The following AK9 variants were observed in gnomAD, a reference collection of about 807,000 sequenced individuals.
The protein encoded by AK9 is adenylate kinase 9.
A neutral mutation model predicts 239.6 loss-of-function variants in AK9; 191 were observed. The ratio of observed to expected loss-of-function variants is 0.80; its 90% CI spans 0.71 to 0.90. The LOEUF is 0.90. Ranked by LOEUF, AK9 falls within the 40% of genes least tolerant of loss-of-function variation. AK9 has a pLI of 0.00. For synonymous variants in AK9, 689 were observed against 721.0 expected, an observed-to-expected ratio of 0.96 and a Z score of 0.71; for missense variants, 1,995 against 2,214.7, an observed-to-expected ratio of 0.90 and a Z score of 1.99.
chr6:109,589,857 T>C (rs1789991894), intron 17 of AK9, among the ~76,000 whole-genome samples: 1 of 152,228 alleles, frequency 6.6e-6, no homozygotes, highest in Admixed American at 6.5e-5. Flanking sequence ...GTTTATGTGG[T>C]GAATCACATT....
intron 18 of AK9, among the ~76,000 whole-genome samples, chr6:109,585,466 T>C (rs916555328): frequency 1.3e-5 from 2 of 151,876 alleles, no homozygotes; most frequent in Non-Finnish European, 2.9e-5. Flanking sequence ...TGAAAAGAGG[T>C]AGTATATTAT....
intron 6 of AK9, among the ~76,000 whole-genome samples, chr6:109,662,120 CAG>C (rs751364981): frequency 3.3e-5 from 5 of 152,130 alleles, no homozygotes; most frequent in Admixed American, 2.6e-4. Context: ...TCAAGTAAGA[CAG>C]AGTCTAGGAG....
intron 35 of AK9, among the ~76,000 whole-genome samples, chr6:109,500,729 C>A (rs1466271103): frequency 6.6e-6 from 1 of 152,100 alleles, no homozygotes; most frequent in Non-Finnish European, 1.5e-5. Context: ...GGAAACGCAT[C>A]ACACTCAGCC....
intron 17 of AK9, among the ~76,000 whole-genome samples, chr6:109,587,205 A>G (rs1789617783): frequency 1.3e-5 from 2 of 152,250 alleles, no homozygotes; most frequent in African/African-American, 4.8e-5. Flanking sequence ...AAAGAAAGCT[A>G]TGAAGAAGAC....
At chr6:109,621,839 A>G (rs1178169480) in intron 12 of AK9, among the ~76,000 whole-genome samples, 1 of 140,038 alleles carries the variant, frequency 7.1e-6, no homozygotes, top group Admixed American at 7.3e-5. Context: ...ACATGTATAC[A>G]TATGTAACTA....
At chr6:109,510,382 C>G (rs1005392020) in intron 32 of AK9, among the ~76,000 whole-genome samples, 3 of 152,010 alleles carry the variant, frequency 2.0e-5, no homozygotes, top group African/African-American at 7.2e-5. Flanking sequence ...GACAGGACGA[C>G]CAACTGCAGA....
At chr6:109,548,991 G>C (rs1189227650) in intron 25 of AK9, among the ~76,000 whole-genome samples, 1 of 152,146 alleles carries the variant, frequency 6.6e-6, no homozygotes, top group Non-Finnish European at 1.5e-5. Context: ...CATTTTCCTT[G>C]TTAAGCTTCT....
At chr6:109,616,601 T>C (rs1276413384) in intron 13 of AK9, among the ~76,000 whole-genome samples, 3 of 152,006 alleles carry the variant, frequency 2.0e-5, no homozygotes, top group Non-Finnish European at 4.4e-5. Context: ...GATCTTGAAC[T>C]CTTAGCCTCA....
At chr6:109,610,567 A>G in intron 16 of AK9, 54 bp from the exon 17 acceptor site, 1 of 1,474,974 alleles carries the variant, frequency 6.8e-7, no homozygotes, top group Non-Finnish European at 9.2e-7. Context: ...AGTGGACAAT[A>G]CTACTTGCAA....
chr6:109,633,269 A>C lies in AK9; in HGVS notation c.988T>G (p.Trp330Gly), dbSNP rs774066982. 5 of 1,609,664 alleles carry C rather than the reference A, an allele frequency of 3.1e-6. No individual in the cohort carries two copies. Among genetic ancestry groups the C allele is most frequent in the Non-Finnish European group, 3.4e-6 (4 of 1,179,272 alleles). ...GTACGTCCCCATTTACTTCTTTGCC[A>C]TCTGTATCTTGGTGCAATAAGTTTA... The part of the protein sequence containing the change: ...SYKLIAPRYR[W>G]QRSKWGRTCP... Residue 330 changes from tryptophan to glycine, a missense_variant, in exon 11 of 41, where the codon TGG (tryptophan) becomes GGG (glycine). This residue lies in a region of AK9 where 1,290 missense variants were observed against 1,392.7 expected (regional missense o/e 0.93). Transcript: ENST00000424296.
At chr6:109,533,594 C>T in intron 27 of AK9, 124 bp from the exon 28 acceptor site, 1 of 636,092 alleles carries the variant, frequency 1.6e-6, no homozygotes, top group East Asian at 3.3e-5. Context: ...TGAATATATA[C>T]ATTCTTTACT....
At chr6:109,614,088 T>G (rs2128241798) in intron 15 of AK9, 95 bp downstream of exon 15, 1 of 1,245,762 alleles carries the variant, frequency 8.0e-7, no homozygotes, top group South Asian at 1.4e-5. Flanking sequence ...TTTCCAATTT[T>G]GGGGGTAATT....
intron 28 of AK9, among the ~76,000 whole-genome samples, chr6:109,530,294 T>TAC (rs1562359949): frequency 6.6e-6 from 1 of 152,150 alleles, no homozygotes; most frequent in East Asian, 1.9e-4. Context: ...TGCTATTGAG[T>TAC]ACACATTCCT....
chr6:109,671,710 G>T (rs1770919796), intron 5 of AK9, among the ~76,000 whole-genome samples: 1 of 149,550 alleles, frequency 6.7e-6, no homozygotes, highest in Non-Finnish European at 1.5e-5. Context: ...AGAAGATTGG[G>T]TCATATAAAC....
At position 109,688,559 on chromosome 6, in the gene AK9, G is replaced by A. The variant is rs967874702; in HGVS notation, c.-12+2588C>T. Among the ~76,000 whole-genome samples, 7 of 152,196 alleles carry A rather than the reference G, an allele frequency of 4.6e-5. No individual in the cohort carries two copies. The East Asian group carries it at 9.6e-4, about 21-fold the overall frequency. On this transcript the variant is annotated intron_variant, in intron 1 of 40. Coordinates refer to ENST00000424296, the MANE Select transcript of AK9 (RefSeq NM_001145128.3). ...CTAAGGCGCTAGCTTGGGATTGTGT[G>A]GGATTGAGACAATGTACTTCAAGAT...
In AK9 at chr6:109,521,597, A is replaced by G. The variant is rs17070682; in HGVS notation, c.3634-4955T>C. Among the ~76,000 whole-genome samples, 452 of 152,180 alleles carry G rather than the reference A, an allele frequency of 3.0e-3. 21 individuals are homozygous for G. In the East Asian group the frequency reaches 0.078, roughly 26 times the overall value. On this transcript the variant is annotated intron_variant, in intron 29 of 40. Transcript: ENST00000424296. ...GGTGCTTCATGTAGAAATTGATTCTAAAAATTAAAAGTAAGCAAACAGCAT... is the reference window on the plus strand; with the variant it reads ...GGTGCTTCATGTAGAAATTGATTCTGAAAATTAAAAGTAAGCAAACAGCAT...
chr6:109,626,107 C>T (rs1350865417), intron 12 of AK9, among the ~76,000 whole-genome samples: 2 of 152,246 alleles, frequency 1.3e-5, no homozygotes, highest in Non-Finnish European at 1.5e-5. Flanking sequence ...TTCCAATCTG[C>T]AGTCAAGCTA....
At chr6:109,669,105 C>G (rs1254826546) in intron 5 of AK9, among the ~76,000 whole-genome samples, 1 of 150,960 alleles carries the variant, frequency 6.6e-6, no homozygotes, top group African/African-American at 2.4e-5. Flanking sequence ...TTGAAGAGGT[C>G]CTTCACATCC....
chr6:109,515,005 G>A (rs548686557), intron 31 of AK9, among the ~76,000 whole-genome samples: 1 of 152,272 alleles, frequency 6.6e-6, no homozygotes, highest in African/African-American at 2.4e-5. Context: ...AAAAGGCCAC[G>A]TGGGGACACA....
Sources: gnomAD v4.1 joint callset for allele counts (sites outside exome capture counted in the v4.1 genomes callset) on GRCh38, gnomAD v4.1.1 for gene constraint, gnomAD v4.1.1 regional missense constraint, MANE v1.5 for transcripts, NCBI Gene and HGNC (gene_info 2026-07-23, HGNC 2026-07-21) for gene names.